The following NEDD4 variants were observed in gnomAD, a reference collection of about 807,000 sequenced individuals.
NEDD4 encodes the protein E3 ubiquitin-protein ligase NEDD4.
NEDD4 carries 99 observed loss-of-function variants against 144.9 expected under a neutral mutation model. The observed-to-expected ratio is 0.68, with a 90% CI of 0.58 to 0.81. The LOEUF is 0.81. Ranked by LOEUF, NEDD4 falls within the 30% of genes least tolerant of loss-of-function variation. NEDD4 has a pLI of 0.00. For synonymous variants in NEDD4, 318 were observed against 350.6 expected (o/e 0.91, Z 1.04); for missense variants, 985 against 1,065.9 (o/e 0.92, Z 1.06).
chr15:55,989,869 A>G (rs1225648557), intron 1 of NEDD4, among the ~76,000 whole-genome samples: 1 of 152,166 alleles, frequency 6.6e-6, no homozygotes, highest in Non-Finnish European at 1.5e-5. Context: ...GTGGCAGGCC[A>G]GTGAGCAAAG....
chr15:55,961,292 G>C (rs1164037144), intron 2 of NEDD4, among the ~76,000 whole-genome samples: 1 of 152,012 alleles, frequency 6.6e-6, no homozygotes, highest in African/African-American at 2.4e-5. Flanking sequence ...TCTCATGTGA[G>C]AGACTTCAAG....
Position 55,895,002 on chromosome 15 carries a change from T to TA in NEDD4, c.292-20995dup, listed in dbSNP as rs771238681. On this transcript the variant is annotated intron_variant, in intron 5 of 28. Coordinates refer to ENST00000435532, the MANE Select transcript of NEDD4 (RefSeq NM_006154.4). ...TTTGTTTCAACTTTCTTTCCACCTC[T>TA]AAAAAAGGGAGGGGCTCATCCCATT... is the stretch of plus-strand genomic sequence containing the variant. 7.9e-5 allele frequency among the ~76,000 whole-genome samples: 12 copies of TA among 152,198 alleles called. No homozygotes were observed. The East Asian group carries it at 2.1e-3, about 27-fold the overall frequency.
chr15:55,864,387 A>C (rs1595766028), intron 8 of NEDD4, among the ~76,000 whole-genome samples: 1 of 109,568 alleles, frequency 9.1e-6, no homozygotes, highest in South Asian at 3.1e-4. Flanking sequence ...TATTATGATT[A>C]AAAAAAAAAA....
In NEDD4 at chr15:55,829,994, T is replaced by C. The variant is rs1156686837; in HGVS notation, c.2606A>G (p.Asn869Ser). The C allele has an allele frequency of 1.2e-6, 2 of 1,610,718 alleles. No homozygotes were observed. The highest frequency in any genetic ancestry group is 2.7e-5 in the African/African-American group (2 of 74,944). ...EKLPRAHTCF[N>S]RLDLPPYESF... is the part of the protein sequence containing the mutation. ...TTCATAAGGTGGCAAGTCCAGGCGA[T>C]TAAAACTGAAAGAACAGAGAGGAAG... is the stretch of plus-strand genomic sequence containing the variant. Residue 869 changes from asparagine (N) to serine (S), a missense_variant, in exon 29 of 29, where the codon AAT becomes AGT. By Grantham distance (46) the Asn-to-Ser change is conservative. Transcript: ENST00000435532.
rs747404246 is a variant in NEDD4, at chr15:55,941,944, G to A, written c.237+9432C>T. Reference sequence around the variant, plus strand: ...GTGGCCCAATATGTGGTCTATCTTGGTAAATGTTCCATGGGCATATAAAAA... The same window carrying A: ...GTGGCCCAATATGTGGTCTATCTTGATAAATGTTCCATGGGCATATAAAAA... On this transcript the variant is annotated intron_variant, in intron 4 of 28. Transcript: ENST00000435532. 4.6e-5 allele frequency among the ~76,000 whole-genome samples: 7 copies of A among 152,206 alleles called. No homozygotes were observed. The Middle Eastern group carries it at 0.01, about 223-fold the overall frequency.
intron 5 of NEDD4, among the ~76,000 whole-genome samples, chr15:55,893,548 T>C (rs2035638153): frequency 6.6e-6 from 1 of 151,780 alleles, no homozygotes; most frequent in South Asian, 2.1e-4. Context: ...TTGCTTAAAG[T>C]GGAGTTTAAA....
chr15:55,913,344 A>G (rs1210865764), intron 5 of NEDD4, among the ~76,000 whole-genome samples: 1 of 152,076 alleles, frequency 6.6e-6, no homozygotes, highest in Non-Finnish European at 1.5e-5. Flanking sequence ...TTATTGATAA[A>G]CACAAGATTA....
At chr15:55,906,011 G>C (rs908809543) in intron 5 of NEDD4, among the ~76,000 whole-genome samples, 5 of 152,140 alleles carry the variant, frequency 3.3e-5, no homozygotes, top group Non-Finnish European at 5.9e-5. Flanking sequence ...CATTTATGCA[G>C]CCAACAGACA....
chr15:55,966,870 G>T (rs542229524), intron 1 of NEDD4, among the ~76,000 whole-genome samples: 1 of 152,008 alleles, frequency 6.6e-6, no homozygotes, highest in Non-Finnish European at 1.5e-5. Context: ...ACACAAAATC[G>T]AAAGTTCATA....
At chr15:55,853,187 C>T (rs1320172315) in intron 12 of NEDD4, among the ~76,000 whole-genome samples, 1 of 152,054 alleles carries the variant, frequency 6.6e-6, no homozygotes, top group Admixed American at 6.5e-5. Flanking sequence ...GTAAATTATA[C>T]ATTTTAGTGA....
chr15:55,949,437 A>G (rs368711779), intron 4 of NEDD4, among the ~76,000 whole-genome samples: 2 of 152,196 alleles, frequency 1.3e-5, no homozygotes, highest in Non-Finnish European at 2.9e-5. Context: ...TTGACCCAGC[A>G]ATCCCATTAC....
At chr15:55,954,601 C>T (rs1192914136) in intron 2 of NEDD4, among the ~76,000 whole-genome samples, 3 of 151,882 alleles carry the variant, frequency 2.0e-5, no homozygotes, top group Non-Finnish European at 2.9e-5. Context: ...CTCGGCTCAC[C>T]GCAACCTCCG....
chr15:55,991,176 A>T (rs2037983973), intron 1 of NEDD4, among the ~76,000 whole-genome samples: 1 of 152,212 alleles, frequency 6.6e-6, no homozygotes, highest in South Asian at 2.1e-4. Context: ...CTTTTGTTGT[A>T]ATGAAAAAGC....
At chr15:55,851,785 A>G (rs927799275) in intron 13 of NEDD4, among the ~76,000 whole-genome samples, 15 of 151,990 alleles carry the variant, frequency 9.9e-5, no homozygotes, top group African/African-American at 3.6e-4. Context: ...CCCAGCATAA[A>G]CTTCTTTAAT....
chr15:55,850,530 T>TA lies in NEDD4; in HGVS notation c.1347+11dup. 2 of 1,613,212 alleles carry TA rather than the reference T, an allele frequency of 1.2e-6. No homozygotes were observed. The highest frequency in any genetic ancestry group is 2.2e-5 in the South Asian group (2 of 91,014). On this transcript the variant is annotated intron_variant, in intron 14 of 28. Coordinates refer to ENST00000435532, the MANE Select transcript of NEDD4 (RefSeq NM_006154.4). ...GTTGTTATAAATTTAAATGGAAAAGTATCAAAGTTACCCAGGTGGTGGTTT... is the reference window on the plus strand; with the variant it reads ...GTTGTTATAAATTTAAATGGAAAAGTAATCAAAGTTACCCAGGTGGTGGTTT...
At chr15:55,924,455 G>T (rs2036625415) in intron 5 of NEDD4, 191 bp downstream of exon 5, 2 of 559,964 alleles carry the variant, frequency 3.6e-6, no homozygotes, top group Non-Finnish European at 6.4e-6. Flanking sequence ...GTGCTTGGGA[G>T]GAGAATGGAA....
intron 5 of NEDD4, among the ~76,000 whole-genome samples, chr15:55,919,565 C>G (rs2036530747): frequency 6.6e-6 from 1 of 152,074 alleles, no homozygotes; most frequent in South Asian, 2.1e-4. Flanking sequence ...GGGGAACTTG[C>G]TATAAAATGT....
intron 2 of NEDD4, among the ~76,000 whole-genome samples, chr15:55,954,801 G>A (rs1278943272): frequency 1.3e-5 from 2 of 152,140 alleles, no homozygotes; most frequent in Non-Finnish European, 2.9e-5. Flanking sequence ...TGGGAATACA[G>A]GCGTGAGCCA....
At chr15:55,850,767 G>T in intron 13 of NEDD4, 25 bp from the exon 14 acceptor site, 1 of 1,593,920 alleles carries the variant, frequency 6.3e-7, no homozygotes, top group Non-Finnish European at 8.5e-7. Flanking sequence ...AAATCATATT[G>T]TAATATTTTA....
Sources: gnomAD v4.1 joint callset for allele counts (sites outside exome capture counted in the v4.1 genomes callset) on GRCh38, gnomAD v4.1.1 for gene constraint, MANE v1.5 for transcripts, NCBI Gene and HGNC (gene_info 2026-07-23, HGNC 2026-07-21) for gene names.